Variants in ZNF143 observed in about 807,000 individuals in gnomAD.
ZNF143 encodes SPH-binding factor.
Under a neutral mutation model 74.1 loss-of-function variants are expected in ZNF143, and 49 were observed. The observed-to-expected ratio is 0.66, with a 90% CI of 0.53 to 0.84. The LOEUF is 0.84. ZNF143 is among the 40% of genes least tolerant of loss of function. ZNF143 has a pLI of 0.00. For missense variants in ZNF143, 637 were observed against 793.4 expected, an observed-to-expected ratio of 0.80 and a Z score of 2.37; for synonymous variants, 304 against 282.8, an observed-to-expected ratio of 1.07 and a Z score of -0.75.
intron 1 of ZNF143, among the ~76,000 whole-genome samples, chr11:9,462,556 T>C (rs1238936199): frequency 7.8e-6 from 1 of 128,288 alleles, no homozygotes; most frequent in East Asian, 2.2e-4. Flanking sequence ...GAGACCGGTC[T>C]CGAAAAAAAA....
At chr11:9,515,545 T>C (rs1387486840) in intron 13 of ZNF143, among the ~76,000 whole-genome samples, 1 of 151,574 alleles carries the variant, frequency 6.6e-6, no homozygotes, top group Non-Finnish European at 1.5e-5. Context: ...TCTCAGCTAC[T>C]TGGGAGGCTG....
intron 2 of ZNF143, 36 bp downstream of exon 2, chr11:9,471,456 T>C (rs1856561614): frequency 2.8e-6 from 4 of 1,450,392 alleles, no homozygotes; most frequent in Admixed American, 2.3e-5. Context: ...CGTTTGAAAA[T>C]ATCATTTATC....
At chr11:9,480,427 A>T (rs1847188265) in intron 7 of ZNF143, among the ~76,000 whole-genome samples, 1 of 151,752 alleles carries the variant, frequency 6.6e-6, no homozygotes, top group African/African-American at 2.4e-5. Flanking sequence ...GAGTTTTATT[A>T]TATTTAACTC....
chr11:9,510,351 C>T (rs901433623), intron 12 of ZNF143, among the ~76,000 whole-genome samples: 37 of 152,092 alleles, frequency 2.4e-4, no homozygotes, highest in African/African-American at 8.7e-4. Context: ...GTCTCGATCT[C>T]CTGACCTCGT....
intron 15 of ZNF143, among the ~76,000 whole-genome samples, chr11:9,526,644 G>A (rs1849139403): frequency 6.6e-6 from 1 of 150,562 alleles, no homozygotes; most frequent in South Asian, 2.1e-4. Flanking sequence ...GTCTCACTAT[G>A]TTGCTCAGGC....
chr11:9,462,280 A>G (rs1468223945), intron 1 of ZNF143, among the ~76,000 whole-genome samples: 1 of 149,696 alleles, frequency 6.7e-6, no homozygotes, highest in Non-Finnish European at 1.5e-5. Context: ...TTTGCTTTAC[A>G]GATGCCCGCC....
chr11:9,478,037 A>G (rs1265036218), intron 5 of ZNF143, among the ~76,000 whole-genome samples: 2 of 152,200 alleles, frequency 1.3e-5, no homozygotes, highest in African/African-American at 4.8e-5. Flanking sequence ...CGTGTTAGCC[A>G]GGATGGTCTC....
At chr11:9,476,687 A>G (rs1191539985) in intron 5 of ZNF143, among the ~76,000 whole-genome samples, 4 of 144,266 alleles carry the variant, frequency 2.8e-5, no homozygotes, top group African/African-American at 5.0e-5. Flanking sequence ...GCATTTTATT[A>G]TAGAATGACA....
chr11:9,473,857 T>G, intron 3 of ZNF143, 84 bp from the exon 4 acceptor site: 1 of 1,611,510 alleles, frequency 6.2e-7, no homozygotes, highest in Non-Finnish European at 8.5e-7. Flanking sequence ...TGTGTATGTT[T>G]TTATAGTTGA....
At chr11:9,482,170 C>G (rs1847267707) in intron 7 of ZNF143, among the ~76,000 whole-genome samples, 1 of 149,424 alleles carries the variant, frequency 6.7e-6, no homozygotes. Context: ...CAGGGTTTCA[C>G]CATGTTAGCC....
chr11:9,463,999 T>A (rs1214627088), intron 1 of ZNF143: 1 of 152,208 alleles, frequency 6.6e-6, no homozygotes, highest in African/African-American at 2.4e-5. Context: ...CCATATATCT[T>A]GGACATGTTT....
intron 7 of ZNF143, among the ~76,000 whole-genome samples, chr11:9,491,776 G>C (rs1044306884): frequency 3.9e-5 from 6 of 152,100 alleles, no homozygotes; most frequent in Non-Finnish European, 5.9e-5. Context: ...ACTACAGGCA[G>C]GTGCCACCAT....
intron 1 of ZNF143, 178 bp from the exon 2 acceptor site, chr11:9,471,124 T>G (rs1856540340): frequency 4.6e-6 from 2 of 432,394 alleles, no homozygotes; most frequent in East Asian, 3.9e-5. Context: ...TGTTGAATTA[T>G]AAGAAGCATG....
intron 12 of ZNF143, among the ~76,000 whole-genome samples, 153 bp from the exon 13 acceptor site, chr11:9,512,295 A>G (rs1202438832): frequency 1.3e-5 from 2 of 152,162 alleles, no homozygotes; most frequent in African/African-American, 4.8e-5. Context: ...GAGGTGGAGG[A>G]ATTGGAAGGA....
intron 1 of ZNF143, among the ~76,000 whole-genome samples, chr11:9,467,902 A>G (rs1187816053): frequency 6.6e-6 from 1 of 151,946 alleles, no homozygotes; most frequent in African/African-American, 2.4e-5. Context: ...AATTTTCACA[A>G]TTATCTAATG....
At chr11:9,506,219 C>G (rs987606469) in intron 11 of ZNF143, among the ~76,000 whole-genome samples, 1 of 152,184 alleles carries the variant, frequency 6.6e-6, no homozygotes, top group Non-Finnish European at 1.5e-5. Flanking sequence ...GTAATCCCAG[C>G]TACTCAGGAG....
chr11:9,486,363 TTATATATAATATATTATATATATA>T (rs1847485640), intron 7 of ZNF143, among the ~76,000 whole-genome samples: 2 of 41,252 alleles, frequency 4.8e-5, no homozygotes, highest in African/African-American at 2.2e-4. Flanking sequence ...TATATATATA[TTATATATAATATATTATATATATA>T]ATATATATAA....
At chr11:9,477,802 A>AGTGTTTTTT (rs1315424200) in intron 5 of ZNF143, among the ~76,000 whole-genome samples, 4 of 151,926 alleles carry the variant, frequency 2.6e-5, no homozygotes, top group African/African-American at 9.7e-5. Flanking sequence ...GTTAATTGTT[A>AGTGTTTTTT]GTGTTTTTTC....
chr11:9,510,104 C>G (rs1848487798), intron 12 of ZNF143, among the ~76,000 whole-genome samples: 3 of 151,432 alleles, frequency 2.0e-5, no homozygotes, highest in African/African-American at 7.3e-5. Flanking sequence ...TTCAGGTTAT[C>G]AGAAGTTCCT....
Sources: gnomAD v4.1 joint callset for allele counts (sites outside exome capture counted in the v4.1 genomes callset) on GRCh38, gnomAD v4.1.1 for gene constraint, MANE v1.5 for transcripts, NCBI Gene and HGNC (gene_info 2026-07-23, HGNC 2026-07-21) for gene names.